Variants in BIRC6 observed in about 807,000 individuals in gnomAD.
BIRC6 encodes dual E2 ubiquitin-conjugating enzyme/E3 ubiquitin-protein ligase BIRC6.
BIRC6 carries 98 observed loss-of-function variants against 503.3 expected under a neutral mutation model. The ratio of observed to expected loss-of-function variants is 0.19; its 90% CI spans 0.17 to 0.23. The LOEUF is 0.23. Ranked by LOEUF, BIRC6 falls within the 10% of genes least tolerant of loss-of-function variation. BIRC6 has a pLI of 1.00. For synonymous variants in BIRC6, 2,240 were observed against 2,078.7 expected (o/e 1.08, Z -2.11); for missense variants, 5,360 against 5,806.0 (o/e 0.92, Z 2.50).
In BIRC6 at chr2:32,454,625, C is replaced by T. The variant is rs754676903; in HGVS notation, c.4753+683C>T. ...CTGAAGGGTTTGACTGTTGTCTTAA[C>T]GTGATTCTTCTGTTGATGGTTTTGT... On this transcript the variant is annotated intron_variant, in intron 23 of 73. Coordinates refer to ENST00000421745, the MANE Select transcript of BIRC6 (RefSeq NM_016252.4). Among the ~76,000 whole-genome samples the T allele has an allele frequency of 7.2e-5, 11 of 152,204 alleles. No individual in the cohort carries two copies. In the South Asian group the frequency reaches 2.1e-3, roughly 29 times the overall value.
At chr2:32,533,051 G>A (rs1346351115) in intron 61 of BIRC6, among the ~76,000 whole-genome samples, 2 of 152,162 alleles carry the variant, frequency 1.3e-5, no homozygotes, top group Non-Finnish European at 2.9e-5. Flanking sequence ...CTGCCAGTGA[G>A]GGCCCAGAAG....
At chr2:32,540,088 G>C (rs2057540292) in intron 61 of BIRC6, among the ~76,000 whole-genome samples, 1 of 151,970 alleles carries the variant, frequency 6.6e-6, no homozygotes, top group Admixed American at 6.6e-5. Context: ...TAGAAGAAGT[G>C]CATGTATACG....
chr2:32,584,601 G>C (rs1204755074), intron 66 of BIRC6, among the ~76,000 whole-genome samples: 1 of 152,066 alleles, frequency 6.6e-6, no homozygotes, highest in Non-Finnish European at 1.5e-5. Flanking sequence ...TCAGGATGCT[G>C]GCATTGTATG....
chr2:32,363,824 G>A (rs1221872619), intron 1 of BIRC6, among the ~76,000 whole-genome samples: 1 of 152,192 alleles, frequency 6.6e-6, no homozygotes, highest in Admixed American at 6.6e-5. Flanking sequence ...ATGTAAAATA[G>A]GGGATGCTCA....
At chr2:32,578,746 A>G (rs2060436843) in intron 66 of BIRC6, among the ~76,000 whole-genome samples, 1 of 151,774 alleles carries the variant, frequency 6.6e-6, no homozygotes, top group South Asian at 2.1e-4. Context: ...CAGTGATCAC[A>G]CCATCACACT....
intron 66 of BIRC6, among the ~76,000 whole-genome samples, chr2:32,589,196 A>G (rs2061251976): frequency 2.0e-5 from 3 of 152,198 alleles, no homozygotes; most frequent in African/African-American, 7.2e-5. Context: ...GCATGACACA[A>G]ATGACTCTAT....
At chr2:32,526,420 C>T (rs2056280507) in intron 59 of BIRC6, 1 of 152,052 alleles carries the variant, frequency 6.6e-6, no homozygotes, top group Non-Finnish European at 1.5e-5. Context: ...AAAAAAGGCC[C>T]CAGATACCCT....
At position 32,499,533 on chromosome 2, in the gene BIRC6, C is replaced by G; in HGVS notation, c.8469-14C>G. ...TCTCTCTCTTTTTCTGTCTCTCTCT[C>G]TCTCTCTCTGCAGGGGTGCTTTCCA... On this transcript the variant is annotated splice_polypyrimidine_tract_variant and intron_variant, in intron 45 of 73. Transcript: ENST00000421745. The G allele has an allele frequency of 6.4e-7, 1 of 1,559,786 alleles. No homozygotes were observed. Among genetic ancestry groups the G allele is most frequent in the East Asian group, 2.3e-5 (1 of 44,266 alleles).
intron 1 of BIRC6, among the ~76,000 whole-genome samples, chr2:32,362,550 C>T (rs1044259464): frequency 2.0e-5 from 3 of 151,920 alleles, no homozygotes; most frequent in Non-Finnish European, 4.4e-5. Flanking sequence ...GATCTCTTGA[C>T]CTCATGATCT....
Position 32,524,948 on chromosome 2 carries a change from A to G in BIRC6, c.11684A>G (p.Asn3895Ser), listed in dbSNP as rs769285887. 8 of 1,541,450 alleles carry G rather than the reference A, an allele frequency of 5.2e-6. No homozygotes were observed. The highest frequency in any genetic ancestry group is 7.0e-6 in the Non-Finnish European group (8 of 1,143,296). ...CAAAAAGATGACAAAGAAAAGAAAA[A>G]CCATGAAGAGAAAGAAAAAGTTAAA... ...SEQKDDKEKK[N>S]HEEKEKVKAE... Residue 3895 changes from asparagine (N) to serine (S), a missense_variant, in exon 58 of 74, where the codon AAC becomes AGC. Coordinates refer to ENST00000421745, the MANE Select transcript of BIRC6 (RefSeq NM_016252.4).
intron 19 of BIRC6, 47 bp from the exon 20 acceptor site, chr2:32,443,444 G>C (rs1442303607): frequency 7.5e-7 from 1 of 1,335,522 alleles, no homozygotes; most frequent in South Asian, 1.3e-5. Flanking sequence ...GTTGAATTTA[G>C]ACCTTGAGTA....
chr2:32,375,087 A>G (rs1172073582), intron 1 of BIRC6, among the ~76,000 whole-genome samples: 1 of 152,158 alleles, frequency 6.6e-6, no homozygotes, highest in Non-Finnish European at 1.5e-5. Context: ...ATGTCTAAGT[A>G]TGTTTTAGAG....
intron 61 of BIRC6, among the ~76,000 whole-genome samples, chr2:32,539,316 G>T (rs2057476659): frequency 6.6e-6 from 1 of 152,200 alleles, no homozygotes; most frequent in African/African-American, 2.4e-5. Flanking sequence ...AGTAGGAGTT[G>T]TTGGGGGAAA....
In BIRC6 at chr2:32,380,215, T is replaced by C. The variant is rs764511020; in HGVS notation, c.570T>C (p.Asp190=). The C allele has an allele frequency of 5.6e-6, 9 of 1,609,328 alleles. No individual in the cohort carries two copies. The highest frequency in any genetic ancestry group is 6.8e-6 in the Non-Finnish European group (8 of 1,178,210). ...ATATTTCTAGTACAGAGGGTTATGA[T>C]TTGTTCATCACACAGCTCAAAGATG... ...KVDISSTEGY[D]LFITQLKDGL... Residue 190 remains aspartate (D), a synonymous_variant, in exon 3 of 74, where the codon GAT becomes GAC. Transcript: ENST00000421745.
intron 60 of BIRC6, among the ~76,000 whole-genome samples, chr2:32,530,746 T>G (rs1056377688): frequency 3.9e-5 from 6 of 152,222 alleles, no homozygotes; most frequent in African/African-American, 1.4e-4. Flanking sequence ...TTTTGTATTC[T>G]TCAGCAAATT....
chr2:32,406,613 A>T (rs1389291997), intron 9 of BIRC6, 56 bp downstream of exon 9: 6 of 1,157,938 alleles, frequency 5.2e-6, no homozygotes, highest in Non-Finnish European at 7.6e-6. Context: ...AGTTGTGCAT[A>T]CAGCTAACTA....
chr2:32,471,874 A>AT (rs1163023366), intron 32 of BIRC6, among the ~76,000 whole-genome samples: 1 of 152,142 alleles, frequency 6.6e-6, no homozygotes, highest in Non-Finnish European at 1.5e-5. Context: ...GGAACTCAGT[A>AT]TTTTTAAGAG....
At chr2:32,581,089 A>G (rs1198367595) in intron 66 of BIRC6, among the ~76,000 whole-genome samples, 4 of 152,234 alleles carry the variant, frequency 2.6e-5, no homozygotes, top group African/African-American at 9.6e-5. Context: ...GCAGAAAGCT[A>G]TGATCCGTCG....
At chr2:32,615,055 G>A (rs1055027091) in intron 73 of BIRC6, among the ~76,000 whole-genome samples, 2 of 152,116 alleles carry the variant, frequency 1.3e-5, no homozygotes, top group Admixed American at 1.3e-4. Context: ...TTATACTCAT[G>A]GTGGAAGATG....
Sources: gnomAD v4.1 joint callset for allele counts (sites outside exome capture counted in the v4.1 genomes callset) on GRCh38, gnomAD v4.1.1 for gene constraint, MANE v1.5 for transcripts, NCBI Gene and HGNC (gene_info 2026-07-23, HGNC 2026-07-21) for gene names.